Variants in PCSK2 observed in about 807,000 individuals in gnomAD.
PCSK2 encodes the protein neuroendocrine convertase 2.
In PCSK2, 14 loss-of-function variants were observed where a neutral mutation model predicts 69.7. The ratio of observed to expected loss-of-function variants is 0.20; its 90% CI spans 0.13 to 0.31. The LOEUF (loss-of-function observed/expected upper bound fraction) is 0.31, where lower values mean the gene tolerates loss of function less well. Among genes scored for constraint, PCSK2 ranks in the 10% least tolerant of loss-of-function variants. PCSK2 has a pLI of 1.00. For missense variants in PCSK2, 544 were observed against 842.5 expected (o/e 0.65, Z 4.39); for synonymous variants, 307 against 320.7 (o/e 0.96, Z 0.46).
intron 5 of PCSK2, among the ~76,000 whole-genome samples, chr20:17,372,774 A>T (rs949140222): frequency 6.6e-6 from 1 of 152,188 alleles, no homozygotes; most frequent in East Asian, 1.9e-4. Context: ...TTGATTCCTC[A>T]GCAGAGGGCC....
intron 2 of PCSK2, among the ~76,000 whole-genome samples, chr20:17,287,959 G>A (rs1568586147): frequency 6.6e-6 from 1 of 152,208 alleles, no homozygotes; most frequent in South Asian, 2.1e-4. Flanking sequence ...CAGCCTGACT[G>A]GGAATCTGGG....
At chr20:17,445,117 A>C (rs2123366109) in intron 8 of PCSK2, among the ~76,000 whole-genome samples, 1 of 152,318 alleles carries the variant, frequency 6.6e-6, no homozygotes, top group Admixed American at 6.5e-5. Context: ...AAGCACTGGC[A>C]AGGTGATGTG....
At chr20:17,428,167 T>C (rs935715152) in intron 6 of PCSK2, among the ~76,000 whole-genome samples, 2 of 152,180 alleles carry the variant, frequency 1.3e-5, no homozygotes, top group Non-Finnish European at 2.9e-5. Flanking sequence ...ACAGAAGACT[T>C]ATTTAATATC....
At chr20:17,450,953 C>T (rs2123377163) in intron 8 of PCSK2, among the ~76,000 whole-genome samples, 1 of 152,284 alleles carries the variant, frequency 6.6e-6, no homozygotes, top group South Asian at 2.1e-4. Flanking sequence ...AACCAGCTCT[C>T]AGTCCTCTTA....
chr20:17,461,031 C>G (rs2123394064), intron 10 of PCSK2, among the ~76,000 whole-genome samples: 1 of 152,226 alleles, frequency 6.6e-6, no homozygotes, highest in East Asian at 1.9e-4. Context: ...CCACTGGGCT[C>G]TCGGTGGAAC....
intron 2 of PCSK2, among the ~76,000 whole-genome samples, chr20:17,330,848 C>G (rs563754848): frequency 3.3e-4 from 50 of 152,006 alleles, no homozygotes; most frequent in Non-Finnish European, 5.6e-4. Flanking sequence ...TACTGCGGGT[C>G]CAGAGAGCAC....
chr20:17,243,626 T>C (rs1277124353), intron 1 of PCSK2, among the ~76,000 whole-genome samples: 6 of 152,230 alleles, frequency 3.9e-5, no homozygotes, highest in African/African-American at 1.4e-4. Flanking sequence ...TTATGTCTTG[T>C]GCTCAGTTTG....
chr20:17,411,860 C>T (rs1480851759), intron 6 of PCSK2, among the ~76,000 whole-genome samples: 1 of 152,234 alleles, frequency 6.6e-6, no homozygotes, highest in Non-Finnish European at 1.5e-5. Context: ...GCAATATTTG[C>T]TGTTCTGCAG....
chr20:17,435,804 G>A (rs2032473665), intron 7 of PCSK2, among the ~76,000 whole-genome samples: 3 of 152,182 alleles, frequency 2.0e-5, no homozygotes, highest in South Asian at 2.1e-4. Context: ...CCCCGTCAGC[G>A]AAGTTTTGAG....
intron 4 of PCSK2, among the ~76,000 whole-genome samples, 199 bp from the exon 5 acceptor site, chr20:17,369,040 GC>G (rs2030681075): frequency 6.6e-6 from 1 of 152,122 alleles, no homozygotes; most frequent in African/African-American, 2.4e-5. Context: ...CTGTCTCTCC[GC>G]TCTGGCAGTG....
At chr20:17,251,905 AC>A (rs1175958384) in intron 1 of PCSK2, among the ~76,000 whole-genome samples, 1 of 152,110 alleles carries the variant, frequency 6.6e-6, no homozygotes, top group African/African-American at 2.4e-5. Context: ...TGCATTTAAC[AC>A]CATAAATGGG....
At chr20:17,254,246 G>A (rs1182105402) in intron 1 of PCSK2, among the ~76,000 whole-genome samples, 2 of 152,108 alleles carry the variant, frequency 1.3e-5, no homozygotes, top group Non-Finnish European at 1.5e-5. Context: ...CACTTTTGGT[G>A]TTGTATCTAA....
chr20:17,443,676 T>C (rs535855718), intron 8 of PCSK2, among the ~76,000 whole-genome samples: 4 of 152,254 alleles, frequency 2.6e-5, no homozygotes, highest in Non-Finnish European at 4.4e-5. Context: ...CATCCCTGGG[T>C]GCCCCTGTCA....
At chr20:17,349,787 C>T (rs1292976290) in intron 2 of PCSK2, among the ~76,000 whole-genome samples, 1 of 152,174 alleles carries the variant, frequency 6.6e-6, no homozygotes, top group African/African-American at 2.4e-5. Context: ...TCCTCCAGCA[C>T]ACTGGCTCAC....
At chr20:17,449,926 T>C (rs1568655288) in intron 8 of PCSK2, among the ~76,000 whole-genome samples, 1 of 151,796 alleles carries the variant, frequency 6.6e-6, no homozygotes, top group African/African-American at 2.4e-5. Flanking sequence ...ATCTTCATCT[T>C]CGTCCCTCCT....
intron 5 of PCSK2, among the ~76,000 whole-genome samples, chr20:17,402,624 G>T (rs902637389): frequency 7.2e-6 from 1 of 138,786 alleles, no homozygotes; most frequent in African/African-American, 2.8e-5. Context: ...TTATGCCCCC[G>T]CACTCAAGCC....
chr20:17,254,107 C>T (rs112839931), intron 1 of PCSK2, among the ~76,000 whole-genome samples: 209 of 152,236 alleles, frequency 1.4e-3, no homozygotes, highest in African/African-American at 4.7e-3. Flanking sequence ...CATTCCTGTG[C>T]GAGATCCTTA....
chr20:17,455,739 T>A (rs1240149447), intron 9 of PCSK2, among the ~76,000 whole-genome samples: 2 of 152,230 alleles, frequency 1.3e-5, no homozygotes, highest in African/African-American at 4.8e-5. Flanking sequence ...TTTCAGGAAA[T>A]AAATCTCTCT....
intron 2 of PCSK2, among the ~76,000 whole-genome samples, chr20:17,341,812 G>A (rs1287261596): frequency 6.6e-6 from 1 of 152,086 alleles, no homozygotes; most frequent in East Asian, 1.9e-4. Flanking sequence ...GCTCTCAAAA[G>A]TCAGACTTGT....
Sources: gnomAD v4.1 joint callset for allele counts (sites outside exome capture counted in the v4.1 genomes callset) on GRCh38, gnomAD v4.1.1 for gene constraint, MANE v1.5 for transcripts, NCBI Gene and HGNC (gene_info 2026-07-23, HGNC 2026-07-21) for gene names.